CEP89: variants seen among roughly 807,000 people sequenced by gnomAD.
CEP89 encodes centrosomal protein of 89 kDa.
A neutral mutation model predicts 97.6 loss-of-function variants in CEP89; 95 were observed. The observed-to-expected ratio is 0.97, with a 90% CI of 0.82 to 1.15. The LOEUF (loss-of-function observed/expected upper bound fraction) is 1.15, where lower values mean the gene tolerates loss of function less well. CEP89 is among the 50% of genes most tolerant of loss of function. The pLI is 0.00. For missense variants in CEP89, 869 were observed against 947.7 expected (o/e 0.92, Z 1.09); for synonymous variants, 354 against 349.1 (o/e 1.01, Z -0.16).
intron 5 of CEP89, among the ~76,000 whole-genome samples, chr19:32,947,991 C>T (rs749475506): frequency 1.3e-5 from 2 of 152,072 alleles, no homozygotes; most frequent in Non-Finnish European, 2.9e-5. Flanking sequence ...ACTTTTTGTA[C>T]AGACGATGTC....
At chr19:32,935,797 G>A (rs1452184349) in intron 7 of CEP89, among the ~76,000 whole-genome samples, 1 of 152,054 alleles carries the variant, frequency 6.6e-6, no homozygotes, top group Non-Finnish European at 1.5e-5. Flanking sequence ...TGCTGCAGCT[G>A]CCCAAGCCCG....
intron 14 of CEP89, among the ~76,000 whole-genome samples, chr19:32,908,943 C>T (rs1453795764): frequency 1.3e-5 from 2 of 152,170 alleles, no homozygotes; most frequent in Admixed American, 1.3e-4. Context: ...CTTTCACCTA[C>T]CCTGGTTGAA....
chr19:32,899,869 A>G lies in CEP89; in HGVS notation c.1863T>C (p.Ser621=). Residue 621 remains serine (S), a synonymous_variant, in exon 16 of 19, where the codon AGT becomes AGC. Transcript: ENST00000305768. ...TCAGGAAACTTACCAAACACATAAG[A>G]CTGTCACGTTCCTGGGTTATGTTTT... The part of the protein sequence containing the change: ...LAENITQERD[S]LMCLAKCLES... 1 of 1,613,708 alleles carries G rather than the reference A, an allele frequency of 6.2e-7. No individual in the cohort carries two copies. Among genetic ancestry groups the G allele is most frequent in the South Asian group, 1.1e-5 (1 of 91,016 alleles).
In CEP89 at chr19:32,953,635, C is replaced by T. The variant is rs569909161; in HGVS notation, c.472G>A (p.Ala158Thr). The T allele has an allele frequency of 9.3e-5, 150 of 1,613,146 alleles. No homozygotes were observed. In the South Asian group the frequency reaches 1.4e-3, roughly 15 times the overall value. ...AACACCTGATTTCTGTGTGGCACAG[C>T]GTACAGGTCATCACTGTGGCCTCCT... is the stretch of plus-strand genomic sequence containing the variant. ...DRGGHSDDLY[A>T]VPHRNQVPLL... The change falls in exon 4 of 19, where the codon GCT becomes ACT. Residue 158 changes from alanine (A) to threonine (T), a missense_variant. Transcript: ENST00000305768.
At chr19:32,882,870 T>C (rs540321047) in intron 17 of CEP89, among the ~76,000 whole-genome samples, 10 of 152,172 alleles carry the variant, frequency 6.6e-5, no homozygotes, top group Admixed American at 1.3e-4. Flanking sequence ...TTTTCTTTTT[T>C]TTTGAGACGG....
rs1419715797 is a variant in CEP89, at chr19:32,936,500, C to T, written c.667+1131G>A. 1.3e-5 allele frequency among the ~76,000 whole-genome samples: 2 copies of T among 152,072 alleles called. No homozygotes were observed. The highest frequency in any genetic ancestry group is 2.9e-5 in the Non-Finnish European group (2 of 67,980). ...CGGAGAGGGCCTGAAGGCTGGGGAC[C>T]GGGTTGCCTGTCCCGTGGGACTGCA... is the stretch of plus-strand genomic sequence containing the variant. On this transcript the variant is annotated intron_variant, in intron 7 of 18. Transcript: ENST00000305768. This position sits in a 1 kb window ranked among gnomAD's most constrained non-coding sequence, Gnocchi z 4.5.
chr19:32,924,582 G>A (rs1355569934), intron 11 of CEP89, among the ~76,000 whole-genome samples: 1 of 152,062 alleles, frequency 6.6e-6, no homozygotes, highest in Non-Finnish European at 1.5e-5. Context: ...ACTCCCAGCT[G>A]TCAGGTGTTT....
intron 5 of CEP89, among the ~76,000 whole-genome samples, chr19:32,943,286 T>C (rs1361492909): frequency 1.3e-5 from 2 of 152,334 alleles, no homozygotes; most frequent in East Asian, 3.9e-4. Context: ...CCTGAGCCAC[T>C]GTGCCTGGCC....
intron 5 of CEP89, among the ~76,000 whole-genome samples, chr19:32,947,295 C>A (rs373514645): frequency 6.6e-6 from 1 of 152,228 alleles, no homozygotes; most frequent in East Asian, 1.9e-4. Context: ...TACTCATTCA[C>A]CCAACAGATC....
rs1038688992 is a variant in CEP89 at position 32,876,514 on chromosome 19, C to G, written c.*2648G>C. The G allele has an allele frequency of 1.9e-5, 3 of 153,916 alleles. No individual in the cohort carries two copies. In the Admixed American group the frequency reaches 2.0e-4, roughly 10 times the overall value. The allele number at this position is 153,916 out of a possible 1,614,324, so 9.5% of individuals were successfully genotyped here. On this transcript the variant is annotated 3_prime_UTR_variant, in exon 19 of 19. Transcript: ENST00000305768. Reference sequence around the variant, plus strand: ...CCCACCCAAGCTCTGACCAAACCCCCTCCTGCTGCTCTGAGTGCCTGCTGT... The same window carrying G: ...CCCACCCAAGCTCTGACCAAACCCCGTCCTGCTGCTCTGAGTGCCTGCTGT...
chr19:32,880,018 G>A (rs1197493504), intron 18 of CEP89, among the ~76,000 whole-genome samples: 1 of 152,256 alleles, frequency 6.6e-6, no homozygotes. Context: ...GCCGAGGCAT[G>A]TGAGGTTGGA....
chr19:32,959,954 A>T lies in CEP89; in HGVS notation c.251T>A (p.Val84Asp). ...GGGCTCGATGAAGCTGTCCTGTTCAACACTGCTCACATCACTCTCAGACCG... is the reference window on the plus strand; with the variant it reads ...GGGCTCGATGAAGCTGTCCTGTTCATCACTGCTCACATCACTCTCAGACCG... Reference protein sequence around the residue: ...RSRSESDVSSVEQDSFIEPYA... With the variant: ...RSRSESDVSSDEQDSFIEPYA... Residue 84 changes from valine (V) to aspartate (D), a missense_variant, in exon 3 of 19, where the codon GTT (valine) becomes GAT (aspartate). Physicochemically the swap from Val to Asp is radical, Grantham distance 152 (BLOSUM62 -3). Coordinates refer to ENST00000305768, the MANE Select transcript of CEP89 (RefSeq NM_032816.5). 2.5e-6 allele frequency: 4 copies of T among 1,614,178 alleles called. No individual in the cohort carries two copies. Among genetic ancestry groups the T allele is most frequent in the Non-Finnish European group, 3.4e-6 (4 of 1,180,032 alleles).
At chr19:32,925,350 T>TA in intron 11 of CEP89, among the ~76,000 whole-genome samples, 1 of 152,156 alleles carries the variant, frequency 6.6e-6, no homozygotes, top group Non-Finnish European at 1.5e-5. Context: ...CAGAAATGGA[T>TA]AAAAACCTCA....
At position 32,879,037 on chromosome 19, in the gene CEP89, C is replaced by T. The variant is rs1237742293; in HGVS notation, c.*125G>A. The T allele has an allele frequency of 3.8e-5, 25 of 649,712 alleles. No homozygotes were observed. Among genetic ancestry groups the T allele is most frequent in the Non-Finnish European group, 5.2e-6 (2 of 381,078 alleles). The allele number at this position is 649,712 out of a possible 1,614,324, so 40.2% of individuals were successfully genotyped here. On this transcript the variant is annotated 3_prime_UTR_variant, in exon 19 of 19. Transcript: ENST00000305768. ...AACTATGAGACCATTTATTTCTTCC[C>T]TGCCCTGCAGCGTTCAGTGGGCTTA...
At chr19:32,895,750 TAAA>T (rs113777086) in intron 16 of CEP89, among the ~76,000 whole-genome samples, 19 of 147,624 alleles carry the variant, frequency 1.3e-4, no homozygotes, top group Admixed American at 2.7e-4. Context: ...TTAGATCTGA[TAAA>T]AAAAAAAAAA....
chr19:32,935,096 C>G (rs1236612235), intron 7 of CEP89, among the ~76,000 whole-genome samples: 1 of 152,242 alleles, frequency 6.6e-6, no homozygotes, highest in African/African-American at 2.4e-5. Flanking sequence ...TGCCCCTCCT[C>G]AGGCAGAACA....
intron 1 of CEP89, 192 bp downstream of exon 1, chr19:32,971,644 G>A (rs1215126199): frequency 1.5e-5 from 9 of 615,924 alleles, no homozygotes; most frequent in Admixed American, 2.9e-5. Flanking sequence ...GCGACAGAGC[G>A]AGACCCTGTT....
intron 1 of CEP89, chr19:32,970,115 T>C (rs914479399): frequency 1.3e-5 from 2 of 152,242 alleles, no homozygotes; most frequent in Non-Finnish European, 2.9e-5. Flanking sequence ...AATAATTCAT[T>C]CTTTTTTAGG....
At chr19:32,924,466 GC>G (rs1970315343) in intron 11 of CEP89, among the ~76,000 whole-genome samples, 1 of 152,146 alleles carries the variant, frequency 6.6e-6, no homozygotes, top group African/African-American at 2.4e-5. Flanking sequence ...TGACACTTCA[GC>G]TGAGCCTCCT....
Sources: gnomAD v4.1 joint callset for allele counts (sites outside exome capture counted in the v4.1 genomes callset) on GRCh38, gnomAD v4.1.1 for gene constraint, Gnocchi (gnomAD v3.1) non-coding constraint, MANE v1.5 for transcripts, NCBI Gene and HGNC (gene_info 2026-07-23, HGNC 2026-07-21) for gene names.